Variants in EVI5 observed in about 807,000 individuals in gnomAD.
The protein encoded by EVI5 is ecotropic viral integration site 5, also known as ecotropic viral integration site 5 protein homolog.
A neutral mutation model predicts 112.0 loss-of-function variants in EVI5; 73 were observed. That is an observed-to-expected ratio of 0.65 (90% CI 0.54 to 0.79). The LOEUF is 0.79. Among genes scored for constraint, EVI5 ranks in the 30% least tolerant of loss-of-function variants. The pLI, the probability that EVI5 is intolerant of heterozygous loss-of-function variation, is 0.00. For synonymous variants in EVI5, 305 were observed against 319.9 expected, an observed-to-expected ratio of 0.95 and a Z score of 0.50; for missense variants, 900 against 968.8, an observed-to-expected ratio of 0.93 and a Z score of 0.94.
chr1:92,760,712 C>T (rs1174130028), intron 1 of EVI5, among the ~76,000 whole-genome samples: 5 of 137,904 alleles, frequency 3.6e-5, no homozygotes, highest in Admixed American at 2.4e-4. Flanking sequence ...CCAGCCTGGG[C>T]GAAGACTGAG....
intron 2 of EVI5, among the ~76,000 whole-genome samples, chr1:92,730,899 G>A (rs1037776811): frequency 7.9e-5 from 12 of 152,124 alleles, no homozygotes; most frequent in South Asian, 2.1e-4. Context: ...AGAAGCAAAA[G>A]TGCTCTTATT....
Position 92,513,605 on chromosome 1 carries a change from A to G in EVI5, c.*51T>C. On this transcript the variant is annotated 3_prime_UTR_variant, in exon 20 of 20. Transcript: ENST00000684568. ...AAATTATTTCCAAAAAGCCCTAATC[A>G]TATGATAACTGATCCCTTAAATAAA... The G allele has an allele frequency of 1.8e-6, 2 of 1,125,642 alleles. No individual in the cohort carries two copies. Among genetic ancestry groups the G allele is most frequent in the Non-Finnish European group, 1.2e-6 (1 of 821,552 alleles). 69.7% of individuals were successfully genotyped at this position (1,125,642 alleles called of 1,614,324 possible).
intron 13 of EVI5, among the ~76,000 whole-genome samples, chr1:92,638,360 T>A (rs974857759): frequency 1.3e-5 from 2 of 152,106 alleles, no homozygotes; most frequent in African/African-American, 4.8e-5. Context: ...CATATTATTT[T>A]AGTCTTCTGG....
chr1:92,664,348 A>C (rs1208085834), intron 11 of EVI5, among the ~76,000 whole-genome samples: 1 of 152,232 alleles, frequency 6.6e-6, no homozygotes, highest in Admixed American at 6.5e-5. Context: ...TGGGCCATCT[A>C]AGCCAATAAA....
chr1:92,538,457 T>C (rs2101924741), intron 19 of EVI5, among the ~76,000 whole-genome samples: 1 of 152,338 alleles, frequency 6.6e-6, no homozygotes, highest in East Asian at 1.9e-4. Flanking sequence ...TCTTTTCTAT[T>C]TGGATTGGAT....
chr1:92,514,330 A>G (rs533154957), intron 19 of EVI5, among the ~76,000 whole-genome samples: 2 of 151,344 alleles, frequency 1.3e-5, no homozygotes, highest in Non-Finnish European at 2.9e-5. Context: ...ATTTTTTTGT[A>G]TTTTTTGTAG....
At chr1:92,573,218 C>T (rs891949178) in intron 18 of EVI5, among the ~76,000 whole-genome samples, 1 of 145,364 alleles carries the variant, frequency 6.9e-6, no homozygotes, top group Non-Finnish European at 1.6e-5. Flanking sequence ...AAACTCACCC[C>T]GACCTCCTAA....
intron 2 of EVI5, among the ~76,000 whole-genome samples, chr1:92,707,156 GCAA>G (rs369696084): frequency 0.079 from 11,268 of 141,914 alleles, 1,369 homozygotes; most frequent in African/African-American, 0.26. Flanking sequence ...TCCAGCCTGG[GCAA>G]CAAGAGCGAA....
At chr1:92,698,966 C>T (rs1254334917) in intron 5 of EVI5, among the ~76,000 whole-genome samples, 2 of 152,204 alleles carry the variant, frequency 1.3e-5, no homozygotes, top group Admixed American at 6.5e-5. Flanking sequence ...GTTAAACCAT[C>T]TTTCTCAAAA....
At chr1:92,628,393 T>C (rs1223939020) in intron 14 of EVI5, among the ~76,000 whole-genome samples, 1 of 152,218 alleles carries the variant, frequency 6.6e-6, no homozygotes, top group Non-Finnish European at 1.5e-5. Context: ...GGTCATGAAA[T>C]CCTTGCCTAA....
intron 2 of EVI5, among the ~76,000 whole-genome samples, chr1:92,707,468 C>A (rs1399120252): frequency 2.0e-5 from 3 of 151,112 alleles, no homozygotes; most frequent in Admixed American, 1.3e-4. Flanking sequence ...AACTAAGAAA[C>A]CAAACACCAC....
chr1:92,685,734 A>C (rs1355149024), intron 9 of EVI5, among the ~76,000 whole-genome samples: 1 of 152,240 alleles, frequency 6.6e-6, no homozygotes, highest in Non-Finnish European at 1.5e-5. Flanking sequence ...CCGATCCCAC[A>C]GAAATAAACA....
chr1:92,694,438 C>T (rs924790483), intron 7 of EVI5, 50 bp from the exon 8 acceptor site: 5 of 1,063,106 alleles, frequency 4.7e-6, no homozygotes, highest in Admixed American at 4.2e-5. Context: ...CTTCCATCAA[C>T]AAAAACGAGT....
intron 18 of EVI5, among the ~76,000 whole-genome samples, chr1:92,589,410 C>A (rs949244653): frequency 3.3e-5 from 5 of 152,142 alleles, no homozygotes; most frequent in African/African-American, 9.7e-5. Flanking sequence ...TCAAGTCACT[C>A]CCACCCCAAT....
rs1265050631 is a variant in EVI5, at chr1:92,563,727, C to T, written c.2081G>A (p.Gly694Glu). 2 of 1,601,490 alleles carry T rather than the reference C, an allele frequency of 1.2e-6. No individual in the cohort carries two copies. The highest frequency in any genetic ancestry group is 2.2e-5 in the East Asian group (1 of 44,496). Residue 694 changes from glycine (G) to glutamate (E), a missense_variant, in exon 19 of 20, where the codon GGA (glycine) becomes GAA (glutamate). Physicochemically the swap from Gly to Glu is moderately conservative, Grantham distance 98. Transcript: ENST00000684568. ...CTTGTTAAGCTGTCCTTGAAGCTTT[C>T]CTTCTTCTTTCTGTTTTGTGACAAA... ...IAELEIQKEE[G>E]KLQGQLNKSD... is the part of the protein sequence containing the mutation.
chr1:92,576,373 T>C (rs1174625619), intron 18 of EVI5, among the ~76,000 whole-genome samples: 1 of 152,202 alleles, frequency 6.6e-6, no homozygotes, highest in East Asian at 1.9e-4. Flanking sequence ...TTATAATTTT[T>C]AAATTTTTTG....
At chr1:92,740,233 A>G (rs1207749224) in intron 1 of EVI5, among the ~76,000 whole-genome samples, 1 of 152,208 alleles carries the variant, frequency 6.6e-6, no homozygotes, top group African/African-American at 2.4e-5. Flanking sequence ...ATCATTTTAC[A>G]ATCTTCCTTC....
At chr1:92,752,625 G>C (rs986243106) in intron 1 of EVI5, among the ~76,000 whole-genome samples, 2 of 152,092 alleles carry the variant, frequency 1.3e-5, no homozygotes, top group African/African-American at 4.8e-5. Flanking sequence ...GTGGGGAGCG[G>C]GGAGTCGACC....
upstream of EVI5, chr1:92,785,147 G>C (rs1388147253): frequency 1.0e-6 from 1 of 980,794 alleles, no homozygotes; most frequent in Non-Finnish European, 1.2e-6. Flanking sequence ...AGACCCGGCA[G>C]CCTCTACCGC....
Sources: gnomAD v4.1 joint callset for allele counts (sites outside exome capture counted in the v4.1 genomes callset) on GRCh38, gnomAD v4.1.1 for gene constraint, MANE v1.5 for transcripts, NCBI Gene and HGNC (gene_info 2026-07-23, HGNC 2026-07-21) for gene names.